The following SCMH1 variants were observed in gnomAD, a reference collection of about 807,000 sequenced individuals.
SCMH1 encodes polycomb protein SCMH1.
SCMH1 carries 37 observed loss-of-function variants against 70.8 expected under a neutral mutation model. The observed-to-expected ratio is 0.52, with a 90% CI of 0.40 to 0.69. The LOEUF (loss-of-function observed/expected upper bound fraction) is 0.69, where lower values mean the gene tolerates loss of function less well. SCMH1 is among the 30% of genes least tolerant of loss of function. The pLI, the probability that SCMH1 is intolerant of heterozygous loss-of-function variation, is 0.00. For synonymous variants in SCMH1, 292 were observed against 307.4 expected (o/e 0.95, Z 0.52); for missense variants, 607 against 827.3 (o/e 0.73, Z 3.27).
At chr1:41,184,307 T>C (rs1423239751) in intron 2 of SCMH1, among the ~76,000 whole-genome samples, 4 of 152,110 alleles carry the variant, frequency 2.6e-5, no homozygotes, top group Non-Finnish European at 5.9e-5. Context: ...AAATGAAGAA[T>C]GTAGGGCTCA....
chr1:41,189,666 T>C (rs1442933764), intron 1 of SCMH1, among the ~76,000 whole-genome samples: 1 of 152,210 alleles, frequency 6.6e-6, no homozygotes, highest in Non-Finnish European at 1.5e-5. Context: ...AGATGGAGCA[T>C]ATCTCTTTGG....
intron 8 of SCMH1, among the ~76,000 whole-genome samples, chr1:41,103,719 A>C (rs1009906025): frequency 2.6e-5 from 4 of 152,198 alleles, no homozygotes; most frequent in Non-Finnish European, 4.4e-5. Context: ...TACATGTCGA[A>C]AACTGCTACC....
intron 1 of SCMH1, among the ~76,000 whole-genome samples, chr1:41,190,470 G>T (rs944439107): frequency 6.6e-6 from 1 of 152,180 alleles, no homozygotes; most frequent in Admixed American, 6.5e-5. Flanking sequence ...CTGGGAAGGA[G>T]AGGCATGAAT....
intron 6 of SCMH1, among the ~76,000 whole-genome samples, chr1:41,141,034 T>C (rs1644020225): frequency 6.6e-6 from 1 of 152,188 alleles, no homozygotes; most frequent in Admixed American, 6.5e-5. Flanking sequence ...AACCAATTCA[T>C]TGAAAATTGG....
intron 10 of SCMH1, among the ~76,000 whole-genome samples, chr1:41,049,870 C>T (rs755423695): frequency 2.4e-4 from 36 of 151,582 alleles, no homozygotes; most frequent in Non-Finnish European, 4.4e-4. Context: ...TTGAGACCAG[C>T]CTGGGCAATA....
rs192220406 is a variant in SCMH1, at chr1:41,133,512, A to G, written c.412+9366T>C. Among the ~76,000 whole-genome samples the G allele has an allele frequency of 1.7e-3, 256 of 152,298 alleles. 2 individuals are homozygous for G. The Middle Eastern group carries it at 0.02, about 12-fold the overall frequency. On this transcript the variant is annotated intron_variant, in intron 6 of 14. Coordinates refer to ENST00000337495, the Ensembl canonical transcript of SCMH1. ...ATAAATCCAGGAACTGGTTTTTTTG[A>G]AAAGATCAACAAAATATAGACTGCT... is the stretch of plus-strand genomic sequence containing the variant.
chr1:41,039,399 T>TG (rs1184877186), intron 12 of SCMH1, among the ~76,000 whole-genome samples: 9 of 152,128 alleles, frequency 5.9e-5, no homozygotes, highest in Middle Eastern at 3.2e-3. Context: ...TCCAAAGCTC[T>TG]GGGGGGTCCT....
chr1:41,039,386 T>G (rs1230517921), intron 12 of SCMH1, among the ~76,000 whole-genome samples: 1 of 152,196 alleles, frequency 6.6e-6, no homozygotes, highest in East Asian at 1.9e-4. Flanking sequence ...GAAAGCATCA[T>G]GCTCCAAAGC....
At chr1:41,186,868 C>T (rs1285701425) in intron 1 of SCMH1, among the ~76,000 whole-genome samples, 1 of 152,178 alleles carries the variant, frequency 6.6e-6, no homozygotes, top group Non-Finnish European at 1.5e-5. Context: ...TGACACTGAA[C>T]TTCCAGCCCC....
At chr1:41,059,212 C>T (rs1316911322) in intron 10 of SCMH1, among the ~76,000 whole-genome samples, 1 of 152,222 alleles carries the variant, frequency 6.6e-6, no homozygotes, top group East Asian at 1.9e-4. Flanking sequence ...GAGGGCAATT[C>T]CCTGGCAAAG....
At chr1:41,114,881 T>C (rs1428496904) in intron 7 of SCMH1, among the ~76,000 whole-genome samples, 1 of 152,086 alleles carries the variant, frequency 6.6e-6, no homozygotes, top group Non-Finnish European at 1.5e-5. Context: ...TTTTACCATG[T>C]TGCCCAAGCT....
At chr1:41,047,149 A>G (rs866452302) in intron 11 of SCMH1, among the ~76,000 whole-genome samples, 4 of 152,204 alleles carry the variant, frequency 2.6e-5, no homozygotes, top group Non-Finnish European at 5.9e-5. Context: ...CTTAAAAAGC[A>G]AAGACCTGTG....
chr1:41,209,579 C>A (rs374137111), intron 1 of SCMH1, among the ~76,000 whole-genome samples: 1 of 152,172 alleles, frequency 6.6e-6, no homozygotes, highest in Non-Finnish European at 1.5e-5. Flanking sequence ...AATCAATAAA[C>A]GTAATTCATC....
chr1:41,150,732 C>A (rs993628688), intron 5 of SCMH1, among the ~76,000 whole-genome samples: 12 of 151,334 alleles, frequency 7.9e-5, no homozygotes, highest in Non-Finnish European at 2.9e-5. Context: ...GTCAGGAGAT[C>A]GAGACCATCC....
chr1:41,064,051 C>G (rs950801557), intron 10 of SCMH1, among the ~76,000 whole-genome samples: 7 of 152,204 alleles, frequency 4.6e-5, no homozygotes, highest in African/African-American at 1.4e-4. Context: ...ACACTATGAC[C>G]AAGTCAGATT....
intron 8 of SCMH1, among the ~76,000 whole-genome samples, chr1:41,107,721 T>C (rs973437624): frequency 6.6e-6 from 1 of 152,156 alleles, no homozygotes; most frequent in Non-Finnish European, 1.5e-5. Flanking sequence ...GGTTTCACCA[T>C]GTTGGCCAGG....
chr1:41,160,626 AC>A (rs772382929), intron 4 of SCMH1, among the ~76,000 whole-genome samples: 2 of 152,072 alleles, frequency 1.3e-5, no homozygotes, highest in Non-Finnish European at 2.9e-5. Context: ...TCTCCCCTAT[AC>A]CCCATGTAAT....
intron 1 of SCMH1, among the ~76,000 whole-genome samples, chr1:41,237,337 C>G (rs1276821756): frequency 6.6e-6 from 1 of 152,178 alleles, no homozygotes; most frequent in Admixed American, 6.5e-5. Flanking sequence ...CCTACAACTA[C>G]AAAACAAATC....
chr1:41,239,649 T>C (rs988509612), intron 1 of SCMH1, among the ~76,000 whole-genome samples: 9 of 152,144 alleles, frequency 5.9e-5, no homozygotes, highest in Admixed American at 5.2e-4. Context: ...AATTTTCTTT[T>C]CTTTTTTAAA....
Sources: gnomAD v4.1 joint callset for allele counts (sites outside exome capture counted in the v4.1 genomes callset) on GRCh38, gnomAD v4.1.1 for gene constraint, MANE v1.5 for transcripts, NCBI Gene and HGNC (gene_info 2026-07-23, HGNC 2026-07-21) for gene names.